Variants in TNNT3 observed in about 807,000 individuals in gnomAD.
TNNT3 encodes troponin T, fast skeletal muscle.
Under a neutral mutation model 54.2 loss-of-function variants are expected in TNNT3, and 36 were observed. That is an observed-to-expected ratio of 0.66 (90% confidence interval 0.51 to 0.88). TNNT3 has a LOEUF of 0.88. Among genes scored for constraint, TNNT3 ranks in the 40% least tolerant of loss-of-function variants. The pLI is 0.00. For missense variants in TNNT3, 291 were observed against 331.6 expected (o/e 0.88, Z 0.95); for synonymous variants, 120 against 109.7 (o/e 1.09, Z -0.59).
chr11:1,929,975 G>C, intron 8 of TNNT3, 147 bp downstream of exon 8: 1 of 1,147,434 alleles, frequency 8.7e-7, no homozygotes, highest in Non-Finnish European at 1.3e-6. Flanking sequence ...CAGGCCCAGC[G>C]CCTCGTGTGT....
chr11:1,924,622 C>T (rs995212309), intron 4 of TNNT3, among the ~76,000 whole-genome samples: 6 of 152,196 alleles, frequency 3.9e-5, no homozygotes, highest in African/African-American at 7.2e-5. Flanking sequence ...CGTGGCAGGC[C>T]GGGAGGCCAC....
At chr11:1,936,495 G>T (rs1362148354) in intron 14 of TNNT3, among the ~76,000 whole-genome samples, 1 of 152,214 alleles carries the variant, frequency 6.6e-6, no homozygotes, top group Non-Finnish European at 1.5e-5. Context: ...GCCAGCAGCG[G>T]CCACAGAGTG....
intron 9 of TNNT3, 62 bp downstream of exon 9, chr11:1,932,576 C>A: frequency 1.3e-6 from 2 of 1,561,802 alleles, no homozygotes; most frequent in South Asian, 1.1e-5. Flanking sequence ...CTTTTGGGCT[C>A]TAGGCCTCAG....
intron 8 of TNNT3, among the ~76,000 whole-genome samples, 156 bp downstream of exon 8, chr11:1,929,984 G>T (rs1852885615): frequency 6.6e-6 from 1 of 152,246 alleles, no homozygotes; most frequent in Admixed American, 6.5e-5. Flanking sequence ...CGCCTCGTGT[G>T]TTCCGTGGTG....
At position 1,919,753 on chromosome 11, in the gene TNNT3, C is replaced by T. The variant is rs912641353; in HGVS notation, c.-28C>T. 6 of 152,266 alleles carry T rather than the reference C, an allele frequency of 3.9e-5. No individual in the cohort carries two copies. Among genetic ancestry groups the T allele is most frequent in the African/African-American group, 7.2e-5 (3 of 41,450 alleles). The allele number at this position is 152,266 out of a possible 1,614,324, so 9.4% of individuals were successfully genotyped here. ...AGGGAGCTCCAGCCCTTCTCACACT[C>T]GACCCGCAGGTGGGTATAGGCAGGA... On this transcript the variant is annotated 5_prime_UTR_variant, in exon 1 of 16. Transcript: ENST00000278317.
Position 1,923,076 on chromosome 11 carries a change from C to A in TNNT3, c.31+15C>A, listed in dbSNP as rs1187409983. 7 of 1,613,852 alleles carry A rather than the reference C, an allele frequency of 4.3e-6. No homozygotes were observed. Among genetic ancestry groups the A allele is most frequent in the Non-Finnish European group, 5.9e-6 (7 of 1,179,976 alleles). On this transcript the variant is annotated intron_variant, in intron 3 of 15. Coordinates refer to ENST00000278317, the MANE Select transcript of TNNT3 (RefSeq NM_006757.4). ...ACAGGTGGAGGGTAAGTGTAACAGC[C>A]ATTTTCTTTCTACTTCCTGCTCTAG...
chr11:1,935,791 A>G (rs2668858), intron 14 of TNNT3, among the ~76,000 whole-genome samples: 120,618 of 151,874 alleles, frequency 0.79, 47,978 homozygotes, highest in East Asian at 0.86. Context: ...CAGGTGCAGC[A>G]GGTGTGGGGC....
At chr11:1,920,327 C>T (rs952766160) in intron 1 of TNNT3, among the ~76,000 whole-genome samples, 1 of 152,150 alleles carries the variant, frequency 6.6e-6, no homozygotes, top group African/African-American at 2.4e-5. Flanking sequence ...CTAAAGCCCA[C>T]GCAGCCTTGG....
chr11:1,935,368 G>C, intron 14 of TNNT3: 1 of 302,996 alleles, frequency 3.3e-6, no homozygotes, highest in Non-Finnish European at 6.5e-6. Context: ...GCTTCCACCA[G>C]GGCCCCGGAC....
intron 9 of TNNT3, 21 bp downstream of exon 9, chr11:1,932,535 T>G (rs1853694494): frequency 1.2e-6 from 2 of 1,612,886 alleles, no homozygotes; most frequent in Non-Finnish European, 1.7e-6. Flanking sequence ...AGGACTCTGG[T>G]TAACATGTCC....
chr11:1,935,563 A>G (rs922591840), intron 14 of TNNT3: 1 of 171,856 alleles, frequency 5.8e-6, no homozygotes. Context: ...CTGGGGTACA[A>G]TGTGGGAGCT....
intron 6 of TNNT3, chr11:1,928,859 C>T (rs992588853): frequency 6.9e-6 from 4 of 575,720 alleles, no homozygotes; most frequent in African/African-American, 1.9e-5. Flanking sequence ...GCGAGGTCCC[C>T]GTGTCCCTCC....
rs367658497 is a variant in TNNT3, at chr11:1,934,905, C to T, written c.667C>T (p.Arg223Cys). ...GTTCGAGTTTGGGGAGAAGCTGAAA[C>T]GCCAGAAATATGACGTGAGTCCCGG... ...DKFEFGEKLK[R>C]QKYDITTLRS... is the part of the protein sequence containing the mutation. Residue 223 changes from arginine to cysteine, a missense_variant, in exon 14 of 16, where the codon CGC (arginine) becomes TGC (cysteine). By Grantham distance (180) the Arg-to-Cys change is radical. Coordinates refer to ENST00000278317, the MANE Select transcript of TNNT3 (RefSeq NM_006757.4). 5.8e-5 allele frequency: 94 copies of T among 1,613,442 alleles called. No homozygotes were observed. The Admixed American group carries it at 9.7e-4, about 17-fold the overall frequency.
intron 5 of TNNT3, 117 bp downstream of exon 5, chr11:1,925,233 C>T (rs1316493376): frequency 6.2e-7 from 1 of 1,607,888 alleles, no homozygotes; most frequent in South Asian, 1.1e-5. Flanking sequence ...TAACCCTCTC[C>T]TCTCTCCCCC....
chr11:1,920,176 C>A (rs1849767912), intron 1 of TNNT3, among the ~76,000 whole-genome samples: 1 of 152,160 alleles, frequency 6.6e-6, no homozygotes, highest in Non-Finnish European at 1.5e-5. Flanking sequence ...GCCATGCAGA[C>A]ATTTGCCCAG....
chr11:1,923,522 C>A lies in TNNT3; in HGVS notation c.32-33C>A, dbSNP rs760610444. ...TCCCTTCACGGGCTGCCCCTTCTAA[C>A]GTGGTTCCCCTCTTTGTTCTGTCCC... On this transcript the variant is annotated intron_variant, in intron 3 of 15. Transcript: ENST00000278317. The A allele has an allele frequency of 2.5e-6, 4 of 1,613,574 alleles. No individual in the cohort carries two copies. In the African/African-American group the frequency reaches 5.3e-5, roughly 22 times the overall value.
At chr11:1,924,649 G>A (rs1354427721) in intron 4 of TNNT3, among the ~76,000 whole-genome samples, 2 of 152,178 alleles carry the variant, frequency 1.3e-5, no homozygotes, top group African/African-American at 2.4e-5. Context: ...GTCTTCGTGC[G>A]ACATGTCTCT....
chr11:1,926,709 G>A lies in TNNT3; in HGVS notation c.82G>A (p.Asp28Asn). 6.2e-7 allele frequency: 1 copy of A among 1,613,270 alleles called. No homozygotes were observed. The highest frequency in any genetic ancestry group is 8.5e-7 in the Non-Finnish European group (1 of 1,180,014). Residue 28 changes from aspartate to asparagine, a missense_variant and splice_region_variant, in exon 6 of 16, where the codon GAC becomes AAC. By Grantham distance (23) the Asp-to-Asn change is conservative. Transcript: ENST00000278317. Reference sequence around the variant, plus strand: ...TGCTTCTGCAGAGGAAGTTCAAGAAGGTACGCCGGCGCTCCCCCGCCTCCA... The same window carrying A: ...TGCTTCTGCAGAGGAAGTTCAAGAAAGTACGCCGGCGCTCCCCCGCCTCCA... Reference protein sequence around the residue: ...EAQEEEEVQEDTAEEDAEEEK... With the variant: ...EAQEEEEVQENTAEEDAEEEK...
intron 4 of TNNT3, among the ~76,000 whole-genome samples, chr11:1,924,715 G>T (rs527376869): frequency 6.6e-6 from 1 of 152,172 alleles, no homozygotes; most frequent in Non-Finnish European, 1.5e-5. Flanking sequence ...GGGGCTTCCC[G>T]CAGGCCCTGT....
Sources: gnomAD v4.1 joint callset for allele counts (sites outside exome capture counted in the v4.1 genomes callset) on GRCh38, gnomAD v4.1.1 for gene constraint, MANE v1.5 for transcripts, NCBI Gene and HGNC (gene_info 2026-07-23, HGNC 2026-07-21) for gene names.